The following CNTNAP2 variants were observed in gnomAD, a reference collection of about 807,000 sequenced individuals.
CNTNAP2 encodes contactin associated protein 2, also known as contactin-associated protein-like 2.
In CNTNAP2, 98 loss-of-function variants were observed where a neutral mutation model predicts 155.2. The observed-to-expected ratio is 0.63, with a 90% CI of 0.54 to 0.75. The LOEUF (loss-of-function observed/expected upper bound fraction) is 0.75, where lower values mean the gene tolerates loss of function less well. Among genes scored for constraint, CNTNAP2 ranks in the 30% least tolerant of loss-of-function variants. CNTNAP2 has a pLI of 0.00. For synonymous variants in CNTNAP2, 651 were observed against 631.2 expected, an observed-to-expected ratio of 1.03 and a Z score of -0.47; for missense variants, 1,727 against 1,688.1, an observed-to-expected ratio of 1.02 and a Z score of -0.40.
At chr7:146,641,312 C>T (rs776852985) in intron 1 of CNTNAP2, among the ~76,000 whole-genome samples, 6 of 151,970 alleles carry the variant, frequency 3.9e-5, no homozygotes, top group Admixed American at 2.0e-4. Flanking sequence ...AGGAACAGAG[C>T]GAGACTCCGT....
rs113994612 is a variant in CNTNAP2 at position 146,715,523 on chromosome 7, T to C, written c.98-58748T>C. On this transcript the variant is annotated intron_variant, in intron 1 of 23. Coordinates refer to ENST00000361727, the MANE Select transcript of CNTNAP2 (RefSeq NM_014141.6). Reference sequence around the variant, plus strand: ...TCCAGCTGGACCTCTACTTTTTTAATGGTTCTAGTTTTGATTTGTATACAG... The same window carrying C: ...TCCAGCTGGACCTCTACTTTTTTAACGGTTCTAGTTTTGATTTGTATACAG... Among the ~76,000 whole-genome samples, 1,426 of 152,190 alleles carry C rather than the reference T, an allele frequency of 9.4e-3. 20 individuals carry two copies. Among genetic ancestry groups the C allele is most frequent in the African/African-American group, 0.032 (1,321 of 41,512 alleles).
intron 1 of CNTNAP2, among the ~76,000 whole-genome samples, chr7:146,289,381 T>C (rs190218386): frequency 1.3e-5 from 2 of 152,356 alleles, no homozygotes; most frequent in East Asian, 1.9e-4. Flanking sequence ...ATTCCTTCTT[T>C]TATCTATCTC....
chr7:146,505,213 T>G (rs1440733790), intron 1 of CNTNAP2, among the ~76,000 whole-genome samples: 1 of 152,208 alleles, frequency 6.6e-6, no homozygotes, highest in Non-Finnish European at 1.5e-5. Context: ...CATCCCCTGC[T>G]GCTGCTTGAA....
In CNTNAP2 at chr7:146,487,317, G is replaced by T. The variant is rs892182539; in HGVS notation, c.98-286954G>T. On this transcript the variant is annotated intron_variant, in intron 1 of 23. Coordinates refer to ENST00000361727, the MANE Select transcript of CNTNAP2 (RefSeq NM_014141.6). ...CATGTCTGGATTTATTTGTAAATAGGTTAGTTAATGGAGACATTTAAAAGA... is the reference window on the plus strand; with the variant it reads ...CATGTCTGGATTTATTTGTAAATAGTTTAGTTAATGGAGACATTTAAAAGA... Among the ~76,000 whole-genome samples, 23 of 152,326 alleles carry T rather than the reference G, an allele frequency of 1.5e-4. 1 individual carries two copies. The Middle Eastern group carries it at 0.017, about 113-fold the overall frequency.
chr7:147,758,990 A>G (rs1340004544), intron 13 of CNTNAP2, among the ~76,000 whole-genome samples: 4 of 152,190 alleles, frequency 2.6e-5, no homozygotes, highest in East Asian at 1.9e-4. Flanking sequence ...TTCCCGTTCA[A>G]TCTCTCAAGG....
intron 19 of CNTNAP2, 44 bp downstream of exon 19, chr7:148,217,568 A>G: frequency 6.3e-7 from 1 of 1,579,212 alleles, no homozygotes; most frequent in Non-Finnish European, 8.7e-7. Flanking sequence ...ACATTTGGGC[A>G]GACAGAATGT....
chr7:146,144,992 G>A (rs1336354480), intron 1 of CNTNAP2, among the ~76,000 whole-genome samples: 1 of 152,156 alleles, frequency 6.6e-6, no homozygotes, highest in Non-Finnish European at 1.5e-5. Context: ...TGGTGGGAGA[G>A]ATGTAACTCA....
intron 15 of CNTNAP2, among the ~76,000 whole-genome samples, chr7:148,005,970 C>T (rs1801970018): frequency 6.6e-6 from 1 of 152,230 alleles, no homozygotes; most frequent in African/African-American, 2.4e-5. Context: ...TAGAGTCTCA[C>T]GAGGGTCTAT....
chr7:146,504,340 G>A (rs1452684659), intron 1 of CNTNAP2, among the ~76,000 whole-genome samples: 2 of 152,180 alleles, frequency 1.3e-5, no homozygotes, highest in Admixed American at 1.3e-4. Flanking sequence ...GTCTATGGGG[G>A]GTCATCAGTA....
chr7:146,146,859 A>C (rs975964101), intron 1 of CNTNAP2, among the ~76,000 whole-genome samples: 2 of 152,154 alleles, frequency 1.3e-5, no homozygotes, highest in Admixed American at 1.3e-4. Context: ...TTTTCAGAAA[A>C]CAACATTGCA....
chr7:146,647,238 C>T (rs1245453042), intron 1 of CNTNAP2, among the ~76,000 whole-genome samples: 2 of 152,130 alleles, frequency 1.3e-5, no homozygotes, highest in African/African-American at 4.8e-5. Context: ...ACCTTTAGGG[C>T]TCCATTCTGG....
chr7:146,998,133 G>A (rs1355511227), intron 3 of CNTNAP2, among the ~76,000 whole-genome samples: 1 of 151,782 alleles, frequency 6.6e-6, no homozygotes, highest in Non-Finnish European at 1.5e-5. Flanking sequence ...AGATTAGGTT[G>A]TTGGAGATTT....
At chr7:146,544,284 A>G (rs1797996323) in intron 1 of CNTNAP2, among the ~76,000 whole-genome samples, 2 of 151,918 alleles carry the variant, frequency 1.3e-5, no homozygotes, top group Admixed American at 6.6e-5. Context: ...GGCCACATGC[A>G]GCCACACTTC....
intron 11 of CNTNAP2, among the ~76,000 whole-genome samples, chr7:147,536,811 T>TA (rs1317343428): frequency 2.0e-5 from 3 of 152,166 alleles, no homozygotes; most frequent in Non-Finnish European, 2.9e-5. Context: ...CAACTGCTCA[T>TA]ACTGCCTGAT....
At chr7:146,521,876 AAG>A (rs1797621133) in intron 1 of CNTNAP2, among the ~76,000 whole-genome samples, 1 of 152,034 alleles carries the variant, frequency 6.6e-6, no homozygotes, top group South Asian at 2.1e-4. Context: ...AATACATTCA[AAG>A]GCTTTAATTC....
intron 10 of CNTNAP2, among the ~76,000 whole-genome samples, chr7:147,443,827 G>C (rs765195419): frequency 5.9e-5 from 9 of 152,148 alleles, no homozygotes; most frequent in Non-Finnish European, 1.3e-4. Flanking sequence ...TCCAAATACA[G>C]TGTTCAAATA....
chr7:147,914,791 A>G (rs954864748), intron 14 of CNTNAP2, among the ~76,000 whole-genome samples: 3 of 152,096 alleles, frequency 2.0e-5, no homozygotes, highest in African/African-American at 7.2e-5. Flanking sequence ...GGCTCAAGCA[A>G]TCTGCCTGCC....
chr7:147,208,919 A>G (rs1227051759), intron 8 of CNTNAP2, among the ~76,000 whole-genome samples: 1 of 152,032 alleles, frequency 6.6e-6, no homozygotes, highest in Non-Finnish European at 1.5e-5. Flanking sequence ...TTAATGGATT[A>G]ATCTCATTGC....
chr7:146,599,031 C>T (rs568229685), intron 1 of CNTNAP2, among the ~76,000 whole-genome samples: 3 of 152,070 alleles, frequency 2.0e-5, no homozygotes, highest in Admixed American at 2.0e-4. Flanking sequence ...TGGAGTCAGT[C>T]ATTTTTTTCC....
Sources: allele counts gnomAD v4.1 joint callset (sites outside exome capture counted in the v4.1 genomes callset), GRCh38; gene constraint gnomAD v4.1.1; transcripts MANE v1.5; gene names NCBI Gene and HGNC (gene_info 2026-07-23, HGNC 2026-07-21).